NPAS3: variants seen among roughly 807,000 people sequenced by gnomAD.
NPAS3 encodes neuronal PAS domain protein 3.
Under a neutral mutation model 73.1 loss-of-function variants are expected in NPAS3, and 14 were observed. That is an observed-to-expected ratio of 0.19 (90% CI 0.13 to 0.30). NPAS3 has a LOEUF of 0.30. Among genes scored for constraint, NPAS3 ranks in the 10% least tolerant of loss-of-function variants. The probability of loss-of-function intolerance (pLI) is 1.00; values close to 1 mark genes in which losing one functional copy is unlikely to be tolerated. For synonymous variants in NPAS3, 620 were observed against 541.5 expected, an observed-to-expected ratio of 1.14 and a Z score of -2.01; for missense variants, 1,096 against 1,250.0, an observed-to-expected ratio of 0.88 and a Z score of 1.86.
chr14:33,119,924 A>G (rs1235948033), intron 2 of NPAS3, among the ~76,000 whole-genome samples: 1 of 152,148 alleles, frequency 6.6e-6, no homozygotes, highest in Non-Finnish European at 1.5e-5. Context: ...CTTGGCAGTA[A>G]CCAAGCCATT....
At chr14:33,068,000 G>C (rs2041338859) in intron 2 of NPAS3, among the ~76,000 whole-genome samples, 2 of 151,868 alleles carry the variant, frequency 1.3e-5, no homozygotes. Flanking sequence ...TATTATTTCA[G>C]CCTAGATTGT....
chr14:33,005,163 T>C (rs1359365034), intron 1 of NPAS3, among the ~76,000 whole-genome samples: 1 of 152,174 alleles, frequency 6.6e-6, no homozygotes, highest in Non-Finnish European at 1.5e-5. Context: ...CATTCTCAAA[T>C]ATTATGTACT....
chr14:33,111,001 T>G (rs1170270090), intron 2 of NPAS3, among the ~76,000 whole-genome samples: 1 of 152,178 alleles, frequency 6.6e-6, no homozygotes, highest in Non-Finnish European at 1.5e-5. Context: ...GAGACCCCTG[T>G]GAGGCTGAAC....
chr14:33,135,564 G>A (rs1434468113), intron 2 of NPAS3, among the ~76,000 whole-genome samples: 1 of 151,906 alleles, frequency 6.6e-6, no homozygotes, highest in African/African-American at 2.4e-5. Flanking sequence ...TTTATAATAA[G>A]TCAAAAAAGC....
intron 2 of NPAS3, among the ~76,000 whole-genome samples, chr14:33,079,904 C>T (rs998337454): frequency 9.9e-5 from 15 of 152,020 alleles, no homozygotes; most frequent in East Asian, 5.8e-4. Flanking sequence ...TGAGCTATCG[C>T]GCCCAGTTGA....
chr14:32,939,410 C>CCCGCCG, intron 1 of NPAS3, 44 bp downstream of exon 1: 1 of 592,268 alleles, frequency 1.7e-6, no homozygotes, highest in South Asian at 1.8e-5. Flanking sequence ...GGCCGCTGCT[C>CCCGCCG]CCGCCGCCGC....
At chr14:33,781,178 A>T (rs558794430) in intron 9 of NPAS3, among the ~76,000 whole-genome samples, 15 of 152,350 alleles carry the variant, frequency 9.8e-5, no homozygotes, top group South Asian at 2.1e-4. Context: ...TCCTAATCAG[A>T]TTGAAATTTC....
At chr14:33,137,789 T>C (rs747728109) in intron 2 of NPAS3, among the ~76,000 whole-genome samples, 24 of 152,222 alleles carry the variant, frequency 1.6e-4, no homozygotes, top group Non-Finnish European at 3.5e-4. Context: ...TATATGTGTT[T>C]CTAGAGCTAT....
chr14:32,997,415 G>A (rs748268321), intron 1 of NPAS3, among the ~76,000 whole-genome samples: 4 of 152,052 alleles, frequency 2.6e-5, no homozygotes, highest in African/African-American at 4.8e-5. Flanking sequence ...GGGAGGGACC[G>A]GGGTGAAATG....
At chr14:33,228,972 T>C (rs2047741264) in intron 3 of NPAS3, among the ~76,000 whole-genome samples, 1 of 152,228 alleles carries the variant, frequency 6.6e-6, no homozygotes, top group South Asian at 2.1e-4. Context: ...GCCAGGTCTA[T>C]ATTTTAGATA....
At chr14:33,174,232 A>G (rs2045504213) in intron 2 of NPAS3, among the ~76,000 whole-genome samples, 1 of 152,130 alleles carries the variant, frequency 6.6e-6, no homozygotes, top group Admixed American at 6.5e-5. Flanking sequence ...TATCCTATAC[A>G]CTGCACATCA....
chr14:33,740,275 G>A (rs2061623983), intron 7 of NPAS3, among the ~76,000 whole-genome samples: 1 of 152,120 alleles, frequency 6.6e-6, no homozygotes, highest in Admixed American at 6.6e-5. Context: ...AATACAAATT[G>A]ACTTATCTAA....
rs746856225 is a variant in NPAS3 at position 33,367,175 on chromosome 14, T to C, written c.386-11T>C. 2 of 837,502 alleles carry C rather than the reference T, an allele frequency of 2.4e-6. No homozygotes were observed. Among genetic ancestry groups the C allele is most frequent in the Non-Finnish European group, 4.1e-6 (2 of 491,314 alleles). The allele number at this position is 837,502 out of a possible 1,614,324, so 51.9% of individuals were successfully genotyped here. A position where few individuals can be genotyped will look rare whatever the true frequency, so the allele number is the denominator to read the frequency against. ...AATTGTTCTGTTTTCTTTCTTTCTT[T>C]TTCTTTTAAGTTATAGGTGCACAGC... On this transcript the variant is annotated splice_polypyrimidine_tract_variant and intron_variant, in intron 3 of 11. Coordinates refer to ENST00000356141, the Ensembl canonical transcript of NPAS3.
Position 33,150,083 on chromosome 14 carries a change from AG to A in NPAS3, c.141-65098del, listed in dbSNP as rs1358855947. On this transcript the variant is annotated intron_variant, in intron 2 of 11. Coordinates refer to ENST00000356141, the Ensembl canonical transcript of NPAS3. ...TAGTTTGCTGAGAATGATGGTTTCCAGCTTCATCCATGTCCCTGCAAAGGAC... is the reference window on the plus strand; with the variant it reads ...TAGTTTGCTGAGAATGATGGTTTCCACTTCATCCATGTCCCTGCAAAGGAC... 9.2e-5 allele frequency among the ~76,000 whole-genome samples: 14 copies of A among 152,268 alleles called. No homozygotes were observed. The East Asian group carries it at 2.1e-3, about 23-fold the overall frequency.
intron 2 of NPAS3, among the ~76,000 whole-genome samples, chr14:33,153,963 A>G (rs2044555152): frequency 6.6e-6 from 1 of 152,188 alleles, no homozygotes; most frequent in Non-Finnish European, 1.5e-5. Flanking sequence ...TATGTCTTAC[A>G]TGTAATTTCT....
chr14:33,144,377 G>C (rs552024976), intron 2 of NPAS3, among the ~76,000 whole-genome samples: 4 of 152,130 alleles, frequency 2.6e-5, no homozygotes, highest in Non-Finnish European at 5.9e-5. Flanking sequence ...ATCAGTTATT[G>C]CTACTAAATT....
At chr14:33,365,201 C>CAAAAAAA (rs371230319) in intron 3 of NPAS3, among the ~76,000 whole-genome samples, 935 of 44,902 alleles carry the variant, frequency 0.021, 125 homozygotes, top group African/African-American at 0.056. Flanking sequence ...CCCATAATCT[C>CAAAAAAA]AAAAAAAAAA....
chr14:33,573,311 C>G (rs549414903), intron 5 of NPAS3, among the ~76,000 whole-genome samples: 1 of 152,288 alleles, frequency 6.6e-6, no homozygotes, highest in East Asian at 1.9e-4. Context: ...CTATTGATCA[C>G]TAAGGCATAG....
intron 2 of NPAS3, among the ~76,000 whole-genome samples, chr14:33,173,773 TC>T (rs1027867618): frequency 6.6e-6 from 1 of 152,230 alleles, no homozygotes; most frequent in African/African-American, 2.4e-5. Context: ...TGTTTTAACC[TC>T]CCTTTCAAAA....
Sources: gnomAD v4.1 joint callset for allele counts (sites outside exome capture counted in the v4.1 genomes callset) on GRCh38, gnomAD v4.1.1 for gene constraint, MANE v1.5 for transcripts, NCBI Gene and HGNC (gene_info 2026-07-23, HGNC 2026-07-21) for gene names.